The following TACR1 variants were observed in gnomAD, a reference collection of about 807,000 sequenced individuals.
TACR1 encodes the protein tachykinin receptor 1.
Under a neutral mutation model 35.8 loss-of-function variants are expected in TACR1, and 25 were observed. The ratio of observed to expected loss-of-function variants is 0.70; its 90% CI spans 0.51 to 0.98. The LOEUF (loss-of-function observed/expected upper bound fraction) is 0.98, where lower values mean the gene tolerates loss of function less well. Ranked by LOEUF, TACR1 falls within the 50% of genes least tolerant of loss-of-function variation. TACR1 has a pLI of 0.00. For synonymous variants in TACR1, 195 were observed against 206.7 expected (o/e 0.94, Z 0.48); for missense variants, 478 against 522.9 (o/e 0.91, Z 0.84).
At chr2:75,149,663 T>C (rs898773389) in intron 1 of TACR1, among the ~76,000 whole-genome samples, 3 of 152,196 alleles carry the variant, frequency 2.0e-5, no homozygotes, top group East Asian at 3.8e-4. Context: ...GTTTTCTAAA[T>C]ATACAATCAT....
At chr2:75,188,515 C>T (rs954177538) in intron 1 of TACR1, 2 of 152,226 alleles carry the variant, frequency 1.3e-5, no homozygotes, top group Non-Finnish European at 2.9e-5. Context: ...GCTCATCAGT[C>T]CATCTGTGGC....
At chr2:75,149,771 A>G (rs1185661028) in intron 1 of TACR1, among the ~76,000 whole-genome samples, 3 of 152,138 alleles carry the variant, frequency 2.0e-5, no homozygotes. Context: ...AACTTTCAAT[A>G]CTATGTTGAA....
At chr2:75,176,137 TA>T (rs745387312) in intron 1 of TACR1, among the ~76,000 whole-genome samples, 3 of 152,032 alleles carry the variant, frequency 2.0e-5, no homozygotes, top group Non-Finnish European at 4.4e-5. Flanking sequence ...TCCTCTATCC[TA>T]ATGTTGTGTG....
chr2:75,174,633 G>C (rs1160492875), intron 1 of TACR1, among the ~76,000 whole-genome samples: 1 of 152,154 alleles, frequency 6.6e-6, no homozygotes, highest in Non-Finnish European at 1.5e-5. Flanking sequence ...GGATAAGGGG[G>C]GACTATTGTA....
intron 1 of TACR1, among the ~76,000 whole-genome samples, chr2:75,170,783 G>A (rs1475805125): frequency 6.6e-6 from 1 of 152,114 alleles, no homozygotes; most frequent in Non-Finnish European, 1.5e-5. Flanking sequence ...AGAGATTTGT[G>A]GAACTTTGAA....
At chr2:75,122,637 T>C (rs1239314716) in intron 1 of TACR1, among the ~76,000 whole-genome samples, 1 of 152,120 alleles carries the variant, frequency 6.6e-6, no homozygotes, top group African/African-American at 2.4e-5. Flanking sequence ...GGAACAGACT[T>C]GGAAAAGATA....
At chr2:75,124,567 C>T (rs1674037210) in intron 1 of TACR1, among the ~76,000 whole-genome samples, 1 of 152,094 alleles carries the variant, frequency 6.6e-6, no homozygotes, top group Non-Finnish European at 1.5e-5. Flanking sequence ...TAGTCTAGCT[C>T]AAGGGTTGGC....
intron 2 of TACR1, among the ~76,000 whole-genome samples, chr2:75,097,831 T>C (rs1466889249): frequency 6.6e-6 from 1 of 152,242 alleles, no homozygotes; most frequent in Non-Finnish European, 1.5e-5. Context: ...GTCTCTCCAA[T>C]CCTTACCTGT....
intron 2 of TACR1, among the ~76,000 whole-genome samples, chr2:75,086,879 T>C (rs1673199088): frequency 6.6e-6 from 1 of 152,166 alleles, no homozygotes; most frequent in South Asian, 2.1e-4. Flanking sequence ...TTGAGAGTCA[T>C]TGTCAATGTG....
At chr2:75,130,366 G>A (rs772967491) in intron 1 of TACR1, among the ~76,000 whole-genome samples, 15 of 152,178 alleles carry the variant, frequency 9.9e-5, no homozygotes, top group Non-Finnish European at 1.9e-4. Context: ...TGTGCCTGCA[G>A]CCACCAGATG....
At position 75,135,134 on chromosome 2, in the gene TACR1, C is replaced by T. The variant is rs1674252937; in HGVS notation, c.390-14366G>A. Among the ~76,000 whole-genome samples, 3 of 152,194 alleles carry T rather than the reference C, an allele frequency of 2.0e-5. No individual in the cohort carries two copies. The South Asian group carries it at 6.2e-4, about 32-fold the overall frequency. On this transcript the variant is annotated intron_variant, in intron 1 of 4. Coordinates refer to ENST00000305249, the MANE Select transcript of TACR1 (RefSeq NM_001058.4). ...TTTGGATTCTCTGGCAGTGGAACCC[C>T]TGCTGCCTGAATTATGACTTTCCTC...
At chr2:75,165,653 C>T (rs545564574) in intron 1 of TACR1, among the ~76,000 whole-genome samples, 1 of 152,264 alleles carries the variant, frequency 6.6e-6, no homozygotes, top group South Asian at 2.1e-4. Context: ...CTGGAGTAGT[C>T]TGGGAGGGGC....
chr2:75,076,382 G>A (rs796073355), intron 2 of TACR1, among the ~76,000 whole-genome samples: 2 of 152,202 alleles, frequency 1.3e-5, no homozygotes, highest in South Asian at 4.1e-4. Flanking sequence ...ACACACAGAA[G>A]CTTATAAACC....
chr2:75,071,228 T>G (rs6715414), intron 2 of TACR1, among the ~76,000 whole-genome samples: 5,571 of 152,280 alleles, frequency 0.037, 338 homozygotes, highest in African/African-American at 0.13. Context: ...AAAGTCATCC[T>G]CTTAAAACTG....
intron 1 of TACR1, among the ~76,000 whole-genome samples, chr2:75,167,986 T>C (rs998644144): frequency 6.6e-6 from 1 of 152,090 alleles, no homozygotes; most frequent in South Asian, 2.1e-4. Context: ...CATACACCAC[T>C]GGAGAAAGAT....
intron 1 of TACR1, among the ~76,000 whole-genome samples, chr2:75,155,625 C>G (rs778044732): frequency 2.0e-5 from 3 of 152,208 alleles, no homozygotes; most frequent in Non-Finnish European, 4.4e-5. Context: ...GGACAACCAC[C>G]CTCCTGCCTT....
intron 2 of TACR1, among the ~76,000 whole-genome samples, chr2:75,115,084 CGTGTGTGTGTGTGTGTGTGTGT>C (rs3079164): frequency 2.7e-5 from 4 of 148,672 alleles, no homozygotes; most frequent in Admixed American, 6.7e-5. Flanking sequence ...TGTTAACATA[CGTGTGTGTGTGTGTGTGTGTGT>C]GTGTGTGTGT....
intron 1 of TACR1, among the ~76,000 whole-genome samples, chr2:75,137,727 T>TC (rs1302805779): frequency 9.5e-4 from 24 of 25,320 alleles, no homozygotes; most frequent in Non-Finnish European, 1.4e-3. Flanking sequence ...AGTCTCCGTC[T>TC]CAAAAAAAAA....
At chr2:75,079,794 C>T (rs1259343052) in intron 2 of TACR1, among the ~76,000 whole-genome samples, 2 of 133,490 alleles carry the variant, frequency 1.5e-5, no homozygotes, top group Non-Finnish European at 3.1e-5. Flanking sequence ...CATTCATCCT[C>T]TGAGAGATTG....
Sources: gnomAD v4.1 joint callset for allele counts (sites outside exome capture counted in the v4.1 genomes callset) on GRCh38, gnomAD v4.1.1 for gene constraint, MANE v1.5 for transcripts, NCBI Gene and HGNC (gene_info 2026-07-23, HGNC 2026-07-21) for gene names.